KLRG1: variants seen among roughly 807,000 people sequenced by gnomAD.
KLRG1 encodes the protein killer cell lectin like receptor G1, also known as killer cell lectin-like receptor subfamily G member 1.
In KLRG1, 16 loss-of-function variants were observed where a neutral mutation model predicts 21.8. That is an observed-to-expected ratio of 0.73 (90% CI 0.50 to 1.11). KLRG1 has a LOEUF of 1.11. Ranked by LOEUF, KLRG1 falls within the 50% of genes most tolerant of loss-of-function variation. The probability of loss-of-function intolerance (pLI) is 0.00; values close to 1 mark genes in which losing one functional copy is unlikely to be tolerated. For missense variants in KLRG1, 173 were observed against 218.3 expected (o/e 0.79, Z 1.31); for synonymous variants, 69 against 75.9 (o/e 0.91, Z 0.47).
At chr12:9,061,284 AT>A in the KLRG1 span, among the ~76,000 whole-genome samples, 5 of 151,300 alleles carry the variant, frequency 3.3e-5, no homozygotes, top group African/African-American at 9.7e-5. Flanking sequence ...AATAGAATTA[AT>A]TTTTTTTTAA....
At chr12:9,102,755 G>A in the KLRG1 span, among the ~76,000 whole-genome samples, 1 of 152,160 alleles carries the variant, frequency 6.6e-6, no homozygotes, top group African/African-American at 2.4e-5. Flanking sequence ...CAGGGAACAG[G>A]TAGAAATAAT....
chr12:8,975,210 T>C (rs1277141477), intron 1 of KLRG1, among the ~76,000 whole-genome samples: 1 of 152,146 alleles, frequency 6.6e-6, no homozygotes, highest in Non-Finnish European at 1.5e-5. Flanking sequence ...ACATTTTCTA[T>C]TTTTTGGAAG....
the KLRG1 span, among the ~76,000 whole-genome samples, chr12:9,215,300 A>G: frequency 6.6e-6 from 1 of 151,980 alleles, no homozygotes; most frequent in Admixed American, 6.6e-5. Context: ...TTGAGGCAGG[A>G]TTTCCAAGAC....
chr12:9,034,230 C>T, the KLRG1 span, among the ~76,000 whole-genome samples: 1 of 152,196 alleles, frequency 6.6e-6, no homozygotes, highest in Non-Finnish European at 1.5e-5. Context: ...CTGAAAAATT[C>T]CTAGTGACAT....
the KLRG1 span, among the ~76,000 whole-genome samples, chr12:9,041,913 CT>C: frequency 1.3e-5 from 2 of 152,108 alleles, no homozygotes; most frequent in Admixed American, 1.3e-4. Context: ...AAAACAGAGA[CT>C]GGTACTATGA....
At chr12:9,104,066 A>G in the KLRG1 span, among the ~76,000 whole-genome samples, 1 of 152,222 alleles carries the variant, frequency 6.6e-6, no homozygotes, top group Non-Finnish European at 1.5e-5. Flanking sequence ...TTTAATCACA[A>G]TATACTGCCT....
At chr12:9,049,666 A>AT in the KLRG1 span, among the ~76,000 whole-genome samples, 4 of 151,416 alleles carry the variant, frequency 2.6e-5, no homozygotes, top group Non-Finnish European at 5.9e-5. Context: ...TTTTATTTTT[A>AT]TTTTTTACGA....
chr12:9,028,600 C>T, the KLRG1 span: 49 of 360,222 alleles, frequency 1.4e-4, no homozygotes, highest in Admixed American at 2.6e-4. Context: ...CGCACCACCA[C>T]GCCCTGCTAA....
chr12:9,208,330 G>C, the KLRG1 span: 1 of 1,613,238 alleles, frequency 6.2e-7, no homozygotes, highest in Non-Finnish European at 8.5e-7. Context: ...GAAGAAGTCT[G>C]TCTTTCCGCA....
chr12:9,006,534 G>A (rs1380192466), intron 3 of KLRG1, among the ~76,000 whole-genome samples: 2 of 152,186 alleles, frequency 1.3e-5, no homozygotes, highest in African/African-American at 2.4e-5. Context: ...TGCGTACATA[G>A]TAAGGATTTT....
chr12:9,128,079 C>A, the KLRG1 span: 1 of 206,472 alleles, frequency 4.8e-6, no homozygotes. Flanking sequence ...GAGCTGACCC[C>A]GGCCAGGGCT....
At chr12:8,973,378 C>T (rs1486774872) in intron 1 of KLRG1, among the ~76,000 whole-genome samples, 1 of 151,982 alleles carries the variant, frequency 6.6e-6, no homozygotes, top group African/African-American at 2.4e-5. Flanking sequence ...GAGGGCTTTG[C>T]CCTCATGAAT....
upstream of KLRG1, among the ~76,000 whole-genome samples, chr12:8,986,182 G>A (rs1252664208): frequency 6.6e-6 from 1 of 152,168 alleles, no homozygotes; most frequent in Non-Finnish European, 1.5e-5. Flanking sequence ...CATATTAGGG[G>A]GTACATGATA....
rs1445582600 is a variant in KLRG1, at chr12:9,009,939, A to T, written c.*402A>T. On this transcript the variant is annotated 3_prime_UTR_variant, in exon 5 of 5. Coordinates refer to ENST00000356986, the MANE Select transcript of KLRG1 (RefSeq NM_005810.4). ...TATTGCTTGTGTACTAGAGAAGTAC[A>T]TTATTGCTGTACTCCTCTGTACATT... 2 of 1,524,990 alleles carry T rather than the reference A, an allele frequency of 1.3e-6. No homozygotes were observed. The highest frequency in any genetic ancestry group is 1.8e-6 in the Non-Finnish European group (2 of 1,137,972). 94.5% of individuals were successfully genotyped at this position (1,524,990 alleles called of 1,614,324 possible). A position where few individuals can be genotyped will look rare whatever the true frequency, so the allele number is the denominator to read the frequency against.
chr12:9,042,138 G>A, the KLRG1 span, among the ~76,000 whole-genome samples: 1 of 152,168 alleles, frequency 6.6e-6, no homozygotes, highest in Non-Finnish European at 1.5e-5. Flanking sequence ...GGCTAAGGAA[G>A]TATCTACCTA....
At chr12:9,027,258 CA>C in the KLRG1 span, among the ~76,000 whole-genome samples, 12,844 of 134,310 alleles carry the variant, frequency 0.096, 800 homozygotes, top group African/African-American at 0.2. Context: ...AGCATGGGTG[CA>C]AAAAAAAAAA....
At chr12:8,975,558 T>C (rs1565540309) in intron 1 of KLRG1, among the ~76,000 whole-genome samples, 1 of 152,100 alleles carries the variant, frequency 6.6e-6, no homozygotes, top group Non-Finnish European at 1.5e-5. Flanking sequence ...TTTTTTCTTC[T>C]TTCTTTTCTT....
At chr12:9,148,392 A>C in the KLRG1 span, among the ~76,000 whole-genome samples, 2 of 152,122 alleles carry the variant, frequency 1.3e-5, no homozygotes, top group Admixed American at 1.3e-4. Flanking sequence ...TGTTACTTTT[A>C]TCTTTAAACT....
the KLRG1 span, chr12:9,168,985 A>G: frequency 1.3e-6 from 2 of 1,583,310 alleles, no homozygotes. Flanking sequence ...CTGGAAAAAA[A>G]TAATTGTTCA....
Sources: allele counts gnomAD v4.1 joint callset (sites outside exome capture counted in the v4.1 genomes callset), GRCh38; gene constraint gnomAD v4.1.1; transcripts MANE v1.5; gene names NCBI Gene and HGNC (gene_info 2026-07-23, HGNC 2026-07-21).